RASGEF1C: variants seen among roughly 807,000 people sequenced by gnomAD.
RASGEF1C encodes RasGEF domain family member 1C, also known as ras-GEF domain-containing family member 1C.
In RASGEF1C, 27 loss-of-function variants were observed where a neutral mutation model predicts 58.1. That is an observed-to-expected ratio of 0.46 (90% CI 0.34 to 0.64). The LOEUF is 0.64. RASGEF1C is among the 30% of genes least tolerant of loss of function. The pLI, the probability that RASGEF1C is intolerant of heterozygous loss-of-function variation, is 0.01. For missense variants in RASGEF1C, 502 were observed against 605.1 expected (o/e 0.83, Z 1.79); for synonymous variants, 243 against 246.3 (o/e 0.99, Z 0.13).
chr5:180,136,696 A>C (rs939365016), intron 3 of RASGEF1C, 181 bp from the exon 4 acceptor site: 18 of 629,354 alleles, frequency 2.9e-5, no homozygotes, highest in Non-Finnish European at 3.5e-5. Flanking sequence ...GGGGGGACGG[A>C]CACATTTCTG....
intron 4 of RASGEF1C, among the ~76,000 whole-genome samples, chr5:180,133,714 A>T (rs1318637783): frequency 2.7e-5 from 4 of 150,424 alleles, no homozygotes; most frequent in African/African-American, 1.0e-4. Context: ...AGGACAAACC[A>T]GTTCGGCAAA....
At chr5:180,193,782 T>C (rs946707389) in intron 1 of RASGEF1C, among the ~76,000 whole-genome samples, 1 of 152,192 alleles carries the variant, frequency 6.6e-6, no homozygotes, top group South Asian at 2.1e-4. Context: ...CATTAGATGA[T>C]ACCAAGAAAT....
chr5:180,136,945 A>C (rs535378767), intron 3 of RASGEF1C, among the ~76,000 whole-genome samples: 1 of 152,254 alleles, frequency 6.6e-6, no homozygotes, highest in South Asian at 2.1e-4. Flanking sequence ...AGTAGAGAAA[A>C]GGAATTGAGG....
intron 1 of RASGEF1C, among the ~76,000 whole-genome samples, chr5:180,185,475 C>T (rs1054670897): frequency 6.6e-6 from 1 of 152,036 alleles, no homozygotes; most frequent in Non-Finnish European, 1.5e-5. Context: ...ATCCCAGCTA[C>T]TCAGGAGGCT....
In RASGEF1C at chr5:180,197,539, C is replaced by A. The variant is rs1364469842; in HGVS notation, c.-7+11489G>T. On this transcript the variant is annotated intron_variant, in intron 1 of 13. Transcript: ENST00000361132. The surrounding 1 kb of genome is among the most constrained non-coding windows in gnomAD (Gnocchi z 4.7). The stretch of plus-strand genomic sequence containing the variant: ...AGACAGAGAGTGAGAGCAGTCCACG[C>A]TCAAAAATAGCCCAGACTGTCAACC... 6.6e-6 allele frequency among the ~76,000 whole-genome samples: 1 copy of A among 152,200 alleles called. No homozygotes were observed. Among genetic ancestry groups the A allele is most frequent in the Non-Finnish European group, 1.5e-5 (1 of 68,038 alleles).
At chr5:180,208,512 ACTGTTCTCGCAGGCC>A (rs1166966786) in intron 1 of RASGEF1C, among the ~76,000 whole-genome samples, 1 of 151,910 alleles carries the variant, frequency 6.6e-6, no homozygotes, top group Non-Finnish European at 1.5e-5. Flanking sequence ...AGCAGACCCC[ACTGTTCTCGCAGGCC>A]CTCTGATAGT....
At chr5:180,101,994 C>T in intron 13 of RASGEF1C, 77 bp downstream of exon 13, 1 of 730,662 alleles carries the variant, frequency 1.4e-6, no homozygotes, top group South Asian at 1.4e-5. Context: ...CCCCGGGTCC[C>T]ACCTCGGCGC....
intron 8 of RASGEF1C, among the ~76,000 whole-genome samples, 163 bp from the exon 9 acceptor site, chr5:180,119,029 T>TG (rs199954631): frequency 1.3e-5 from 2 of 152,154 alleles, no homozygotes; most frequent in African/African-American, 4.8e-5. Context: ...CATGGTCAGG[T>TG]AGGCCTGCTG....
chr5:180,205,627 CAT>C (rs1355314961), intron 1 of RASGEF1C, among the ~76,000 whole-genome samples: 3 of 152,186 alleles, frequency 2.0e-5, no homozygotes, highest in Non-Finnish European at 4.4e-5. Context: ...TTGCCCACCA[CAT>C]GTTAAAACAC....
chr5:180,195,885 G>A (rs920834789), intron 1 of RASGEF1C, among the ~76,000 whole-genome samples: 4 of 151,956 alleles, frequency 2.6e-5, no homozygotes, highest in Non-Finnish European at 4.4e-5. Flanking sequence ...GATCCTCCCC[G>A]TCCAGGTCCC....
At chr5:180,167,637 C>G (rs1015493167) in intron 1 of RASGEF1C, among the ~76,000 whole-genome samples, 7 of 152,114 alleles carry the variant, frequency 4.6e-5, no homozygotes, top group African/African-American at 1.7e-4. Flanking sequence ...AACATTTGCC[C>G]TTACTTGATG....
At chr5:180,152,296 A>G (rs1766764894) in intron 1 of RASGEF1C, among the ~76,000 whole-genome samples, 1 of 152,158 alleles carries the variant, frequency 6.6e-6, no homozygotes, top group Admixed American at 6.5e-5. Flanking sequence ...CACAATAGCA[A>G]AGACTTGGAA....
rs1287435809 is a variant in RASGEF1C at position 180,137,341 on chromosome 5, G to A, written c.300+249C>T. The stretch of plus-strand genomic sequence containing the variant: ...GCCACAGATGGGTCCTACTGACCGG[G>A]CTCCGGATACTCAGGTCTGGGCTTA... On this transcript the variant is annotated intron_variant, in intron 3 of 13. Transcript: ENST00000361132. The surrounding 1 kb of genome is among the most constrained non-coding windows in gnomAD (Gnocchi z 4.1). Among the ~76,000 whole-genome samples, 1 of 152,184 alleles carries A rather than the reference G, an allele frequency of 6.6e-6. No homozygotes were observed. The highest frequency in any genetic ancestry group is 1.9e-4 in the East Asian group (1 of 5,192).
intron 1 of RASGEF1C, among the ~76,000 whole-genome samples, chr5:180,146,929 C>T (rs894501751): frequency 7.2e-5 from 11 of 152,098 alleles, no homozygotes; most frequent in African/African-American, 2.2e-4. Context: ...CCAGTGAAAC[C>T]ACCAGGTCCA....
chr5:180,127,648 G>A lies in RASGEF1C; in HGVS notation c.675C>T (p.Val225=), dbSNP rs1252479677. Residue 225 remains valine, a synonymous_variant, in exon 6 of 14, where the codon GTC becomes GTT. Transcript: ENST00000361132. ...GAGGGTCCTTGTTCACAAAGGCCTG[G>A]ACAAACTCCTCAGGCCCGATGTGCC... ...RLRHIGPEEF[V]QAFVNKDPLA... 1 of 1,613,338 alleles carries A rather than the reference G, an allele frequency of 6.2e-7. No individual in the cohort carries two copies. The highest frequency in any genetic ancestry group is 1.1e-5 in the South Asian group (1 of 91,004).
chr5:180,121,200 A>G (rs2113256311), intron 6 of RASGEF1C, 51 bp from the exon 7 acceptor site: 1 of 1,275,802 alleles, frequency 7.8e-7, no homozygotes, highest in South Asian at 1.2e-5. Flanking sequence ...TTTGTCTATC[A>G]TCTTTTAGAG....
Position 180,113,229 on chromosome 5 carries a change from AGG to A in RASGEF1C, c.1179+1215_1179+1216del, listed in dbSNP as rs1332091545. On this transcript the variant is annotated intron_variant, in intron 11 of 13. Transcript: ENST00000361132. ...AGGGACCGGGGATGGACGGAGGGAC[AGG>A]GGATGGACGGAGGGACCGAGGATGG... Among the ~76,000 whole-genome samples, 19 of 17,682 alleles carry A rather than the reference AGG, an allele frequency of 1.1e-3. 3 individuals carry two copies. Among genetic ancestry groups the A allele is most frequent in the Non-Finnish European group, 1.5e-3 (12 of 8,200 alleles). The allele number at this position is 17,682 out of a possible 152,430, so 11.6% of individuals were successfully genotyped here. A position where few individuals can be genotyped will look rare whatever the true frequency, so the allele number is the denominator to read the frequency against.
rs1447466660 is a variant in RASGEF1C, at chr5:180,155,829, T to C, written c.-6-17771A>G. On this transcript the variant is annotated intron_variant, in intron 1 of 13. Coordinates refer to ENST00000361132, the MANE Select transcript of RASGEF1C (RefSeq NM_175062.4). The surrounding 1 kb of genome is among the most constrained non-coding windows in gnomAD (Gnocchi z 5.2). ...TTGTTTCACCTCCCAACCCGCATGC[T>C]GCCTTCCCTTCAGGAACTTCTCCCC... is the stretch of plus-strand genomic sequence containing the variant. 6.6e-6 allele frequency among the ~76,000 whole-genome samples: 1 copy of C among 152,086 alleles called. No homozygotes were observed. Among genetic ancestry groups the C allele is most frequent in the African/African-American group, 2.4e-5 (1 of 41,434 alleles).
chr5:180,173,714 A>C (rs1003555036), intron 1 of RASGEF1C, among the ~76,000 whole-genome samples: 4 of 152,060 alleles, frequency 2.6e-5, no homozygotes, highest in Admixed American at 6.5e-5. Flanking sequence ...GGAGTTTGAG[A>C]CCAGCCTGGC....
Sources: gnomAD v4.1 joint callset for allele counts (sites outside exome capture counted in the v4.1 genomes callset) on GRCh38, gnomAD v4.1.1 for gene constraint, Gnocchi (gnomAD v3.1) non-coding constraint, MANE v1.5 for transcripts, NCBI Gene and HGNC (gene_info 2026-07-23, HGNC 2026-07-21) for gene names.